ZNF600: variants seen among roughly 807,000 people sequenced by gnomAD.
ZNF600 encodes zinc finger protein KR-ZNF1.
In ZNF600, 4 loss-of-function variants were observed where a neutral mutation model predicts 7.3. The observed-to-expected ratio is 0.55, with a 90% confidence interval of 0.27 to 1.25. The LOEUF is 1.25. Among genes scored for constraint, ZNF600 ranks in the 50% most tolerant of loss-of-function variants. The pLI is 0.12. For missense variants in ZNF600, 911 were observed against 922.1 expected (o/e 0.99, Z 0.16); for synonymous variants, 290 against 308.9 (o/e 0.94, Z 0.64).
chr19:52,807,974 C>T, the ZNF600 span: 8 of 1,611,818 alleles, frequency 5.0e-6, no homozygotes, highest in Non-Finnish European at 5.9e-6. Flanking sequence ...TACAAAGATA[C>T]ACAAGGGCAC....
the ZNF600 span, among the ~76,000 whole-genome samples, chr19:52,809,636 T>C: frequency 6.6e-6 from 1 of 151,998 alleles, no homozygotes; most frequent in East Asian, 1.9e-4. Flanking sequence ...TGAAAGCCCT[T>C]CTCTACTAAA....
chr19:52,812,158 C>A, the ZNF600 span, among the ~76,000 whole-genome samples: 2 of 126,384 alleles, frequency 1.6e-5, 1 homozygote, highest in South Asian at 5.4e-4. Flanking sequence ...GTCAGCCCCC[C>A]GCCCGGCCAG....
At chr19:52,808,051 TAA>T in the ZNF600 span, 6 of 1,613,578 alleles carry the variant, frequency 3.7e-6, no homozygotes, top group Admixed American at 1.7e-5. Flanking sequence ...CACATCCCTG[TAA>T]AGAGTCCTCT....
chr19:52,800,289 C>A, the ZNF600 span: 1 of 1,607,354 alleles, frequency 6.2e-7, no homozygotes, highest in Admixed American at 1.7e-5. Flanking sequence ...TGGTTTCTCT[C>A]CAGTATGAAC....
the ZNF600 span, among the ~76,000 whole-genome samples, chr19:52,817,664 C>A: frequency 6.6e-6 from 1 of 152,064 alleles, no homozygotes; most frequent in Non-Finnish European, 1.5e-5. Context: ...ACCCTGCTGC[C>A]CAACAGCACT....
chr19:52,808,182 C>A, the ZNF600 span: 1 of 1,603,344 alleles, frequency 6.2e-7, no homozygotes, highest in East Asian at 2.2e-5. Context: ...GAGTTCTTAT[C>A]TTTACAGAAA....
the ZNF600 span, among the ~76,000 whole-genome samples, chr19:52,821,011 G>A: frequency 4.6e-5 from 7 of 152,238 alleles, no homozygotes; most frequent in Non-Finnish European, 8.8e-5. Flanking sequence ...AGCTGGGCGG[G>A]CAAGAACACC....
At chr19:52,830,722 G>A in the ZNF600 span, among the ~76,000 whole-genome samples, 102,473 of 149,842 alleles carry the variant, frequency 0.68, 35,426 homozygotes, top group Middle Eastern at 0.76. Context: ...AGGGGCTCAC[G>A]GGGAAATTGG....
At chr19:52,774,930 A>T (rs575575712) in intron 2 of ZNF600, among the ~76,000 whole-genome samples, 1 of 152,292 alleles carries the variant, frequency 6.6e-6, no homozygotes, top group Admixed American at 6.5e-5. Flanking sequence ...GACAACATAA[A>T]AAGTATAAAA....
intron 3 of ZNF600, among the ~76,000 whole-genome samples, chr19:52,768,284 C>A (rs576897066): frequency 6.6e-6 from 1 of 151,280 alleles, no homozygotes; most frequent in South Asian, 2.1e-4. Flanking sequence ...GAGAAGATTA[C>A]AAAAATTAAC....
At chr19:52,777,825 T>C (rs186915325) in intron 2 of ZNF600, among the ~76,000 whole-genome samples, 23 of 152,204 alleles carry the variant, frequency 1.5e-4, no homozygotes, top group African/African-American at 4.8e-4. Flanking sequence ...CGAGACTCCA[T>C]CTTAAAATAA....
At chr19:52,801,363 C>A in the ZNF600 span, 1 of 1,614,206 alleles carries the variant, frequency 6.2e-7, no homozygotes, top group Non-Finnish European at 8.5e-7. Flanking sequence ...AACTTGATTA[C>A]CAATTTTCCC....
chr19:52,831,513 T>G, the ZNF600 span, among the ~76,000 whole-genome samples: 2 of 149,126 alleles, frequency 1.3e-5, no homozygotes, highest in East Asian at 2.0e-4. Context: ...GTTTTTTTGT[T>G]TTTTTTTGAG....
the ZNF600 span, among the ~76,000 whole-genome samples, chr19:52,793,806 ACACACACACAC>A: frequency 9.0e-6 from 1 of 111,024 alleles, no homozygotes; most frequent in South Asian, 3.2e-4. Flanking sequence ...ACACACACAC[ACACACACACAC>A]AAAAGTGATG....
the ZNF600 span, among the ~76,000 whole-genome samples, chr19:52,803,161 C>A: frequency 6.6e-6 from 1 of 152,274 alleles, no homozygotes; most frequent in African/African-American, 2.4e-5. Flanking sequence ...CTCAATGCAA[C>A]CTCTGCCTTG....
In ZNF600 at chr19:52,772,342, C is replaced by A. The variant is rs552114874; in HGVS notation, c.190+2233G>T. The stretch of plus-strand genomic sequence containing the variant: ...AAAAGGCCAGACACAGTGGCTCAGG[C>A]CTGTAATCCTAGCTCTTTGGGAGGC... On this transcript the variant is annotated intron_variant, in intron 3 of 3. Coordinates refer to ENST00000648973, the Ensembl canonical transcript of ZNF600. 9.2e-5 allele frequency among the ~76,000 whole-genome samples: 14 copies of A among 152,188 alleles called. No homozygotes were observed. In the East Asian group the frequency reaches 2.3e-3, roughly 25 times the overall value.
At chr19:52,822,360 C>T in the ZNF600 span, among the ~76,000 whole-genome samples, 8 of 152,112 alleles carry the variant, frequency 5.3e-5, no homozygotes, top group Non-Finnish European at 1.2e-4. Context: ...GCCTGAGCCA[C>T]TGTGCCTGGC....
At chr19:52,765,877 G>A (rs2062567713) in exon 4 of ZNF600, 10 of 1,614,024 alleles carry the variant, frequency 6.2e-6, no homozygotes, top group Non-Finnish European at 8.5e-6. Context: ...CTATGATGAA[G>A]TGAAAGTTGT....
chr19:52,829,500 G>A, the ZNF600 span, among the ~76,000 whole-genome samples: 1 of 151,022 alleles, frequency 6.6e-6, no homozygotes, highest in African/African-American at 2.4e-5. Flanking sequence ...TCAGCCTCCT[G>A]TGTAGCTGGG....
Sources: gnomAD v4.1 joint callset for allele counts (sites outside exome capture counted in the v4.1 genomes callset) on GRCh38, gnomAD v4.1.1 for gene constraint, MANE v1.5 for transcripts, NCBI Gene and HGNC (gene_info 2026-07-23, HGNC 2026-07-21) for gene names.